CUX2: variants seen among roughly 807,000 people sequenced by gnomAD.
CUX2 encodes the protein cut like homeobox 2, also known as homeobox protein cut-like 2.
A neutral mutation model predicts 144.8 loss-of-function variants in CUX2; 40 were observed. The ratio of observed to expected loss-of-function variants is 0.28; its 90% CI spans 0.21 to 0.36. The LOEUF (loss-of-function observed/expected upper bound fraction) is 0.36. CUX2 is among the 10% of genes least tolerant of loss of function. CUX2 has a pLI of 1.00. For missense variants in CUX2, 1,615 were observed against 1,994.0 expected, an observed-to-expected ratio of 0.81 and a Z score of 3.62; for synonymous variants, 827 against 875.6, an observed-to-expected ratio of 0.94 and a Z score of 0.98.
rs902195955 is a variant in CUX2 at position 111,312,535 on chromosome 12, T to C, written c.2002+334T>C. On this transcript the variant is annotated intron_variant, in intron 16 of 21. Coordinates refer to ENST00000261726, the MANE Select transcript of CUX2 (RefSeq NM_015267.4). This position sits in a 1 kb window ranked among gnomAD's most constrained non-coding sequence, Gnocchi z 4.3. ...GGCCAACATGGTAAAACCCCATCTCTACTAAAAATACAAAATTACCTGGGC... is the reference window on the plus strand; with the variant it reads ...GGCCAACATGGTAAAACCCCATCTCCACTAAAAATACAAAATTACCTGGGC... Among the ~76,000 whole-genome samples the C allele has an allele frequency of 1.5e-5, 2 of 134,188 alleles. No homozygotes were observed. Among genetic ancestry groups the C allele is most frequent in the African/African-American group, 6.6e-5 (2 of 30,246 alleles). The allele number at this position is 134,188 out of a possible 152,430, so 88.0% of individuals were successfully genotyped here. A position where few individuals can be genotyped will look rare whatever the true frequency, so the allele number is the denominator to read the frequency against.
intron 1 of CUX2, among the ~76,000 whole-genome samples, chr12:111,159,522 T>G (rs1877616816): frequency 6.6e-6 from 1 of 152,186 alleles, no homozygotes; most frequent in Non-Finnish European, 1.5e-5. Context: ...TTTGGGTAGC[T>G]CATTTAAAAA....
intron 1 of CUX2, among the ~76,000 whole-genome samples, chr12:111,120,770 T>C (rs1592914699): frequency 6.6e-6 from 1 of 151,712 alleles, no homozygotes; most frequent in Non-Finnish European, 1.5e-5. Context: ...TATGTCGGGG[T>C]CCACTTTGAT....
At chr12:111,254,347 G>C (rs1481123326) in intron 3 of CUX2, among the ~76,000 whole-genome samples, 1 of 152,212 alleles carries the variant, frequency 6.6e-6, no homozygotes, top group African/African-American at 2.4e-5. Flanking sequence ...TAGGTGCTCA[G>C]TATGCACCAT....
chr12:111,153,701 C>T (rs1877203048), intron 1 of CUX2, among the ~76,000 whole-genome samples: 1 of 152,122 alleles, frequency 6.6e-6, no homozygotes, highest in Non-Finnish European at 1.5e-5. Flanking sequence ...TGGAGACAGA[C>T]CATAAGCAAA....
chr12:111,340,225 A>G (rs996194976), intron 20 of CUX2, among the ~76,000 whole-genome samples: 3 of 152,150 alleles, frequency 2.0e-5, no homozygotes, highest in African/African-American at 7.2e-5. Context: ...CAGAGCCACA[A>G]AGCATTGCTG....
At chr12:111,330,729 ATATATATATATATATATATAT>A (rs1888079220) in intron 18 of CUX2, among the ~76,000 whole-genome samples, 2 of 67,518 alleles carry the variant, frequency 3.0e-5, no homozygotes, top group Non-Finnish European at 3.0e-5. Flanking sequence ...ATATATATAT[ATATATATATATATATATATAT>A]AAAGAGAGAG....
chr12:111,149,941 G>C (rs1199395882), intron 1 of CUX2, among the ~76,000 whole-genome samples: 1 of 152,232 alleles, frequency 6.6e-6, no homozygotes, highest in African/African-American at 2.4e-5. Context: ...TGCACAGTCT[G>C]CACACACAGT....
In CUX2 at chr12:111,334,470, T is replaced by TCCCCCCCCCC; in HGVS notation, c.2960_2961insCCCCCCCCCC (p.Ser990ProfsTer9). Reference sequence around the variant, plus strand: ...TCCCACAGAACCAAGGTCCTCACCATCCCCACCCCCCAGCCCCACAGAGCC... The same window carrying TCCCCCCCCCC: ...TCCCACAGAACCAAGGTCCTCACCATCCCCCCCCCCCCCCACCCCCCAGCCCCACAGAGCC... On this transcript the variant is annotated frameshift_variant, in exon 19 of 22. Coordinates refer to ENST00000261726, the MANE Select transcript of CUX2 (RefSeq NM_015267.4). LOFTEE classifies it high-confidence loss of function. 1.2e-6 allele frequency: 2 copies of TCCCCCCCCCC among 1,606,956 alleles called. No individual in the cohort carries two copies. Among genetic ancestry groups the TCCCCCCCCCC allele is most frequent in the Non-Finnish European group, 8.5e-7 (1 of 1,176,382 alleles).
At chr12:111,290,131 G>T (rs1035368464) in intron 4 of CUX2, among the ~76,000 whole-genome samples, 2 of 152,182 alleles carry the variant, frequency 1.3e-5, no homozygotes, top group African/African-American at 4.8e-5. Context: ...GTCTTAAAGT[G>T]CCACAGATAG....
chr12:111,350,426 A>G lies in CUX2; in HGVS notation c.*2101A>G, dbSNP rs1254828560. The G allele has an allele frequency of 6.6e-6, 1 of 152,482 alleles. No individual in the cohort carries two copies. The highest frequency in any genetic ancestry group is 1.5e-5 in the Non-Finnish European group (1 of 68,042). 9.4% of individuals were successfully genotyped at this position (152,482 alleles called of 1,614,324 possible). ...AACAACTTTGTCAGGTTCACGTCCT[A>G]TAACGGTTAAAAAACACACACACAC... On this transcript the variant is annotated 3_prime_UTR_variant, in exon 22 of 22. Coordinates refer to ENST00000261726, the MANE Select transcript of CUX2 (RefSeq NM_015267.4).
chr12:111,100,523 G>A (rs1306574916), intron 1 of CUX2, among the ~76,000 whole-genome samples: 1 of 152,094 alleles, frequency 6.6e-6, no homozygotes, highest in African/African-American at 2.4e-5. Flanking sequence ...ACATGGGTGC[G>A]TGACTGGTGG....
At chr12:111,087,112 C>T (rs1393806056) in intron 1 of CUX2, among the ~76,000 whole-genome samples, 2 of 152,064 alleles carry the variant, frequency 1.3e-5, no homozygotes, top group Non-Finnish European at 2.9e-5. Context: ...GCAAGCCCAG[C>T]ACTCTGGGAG....
chr12:111,040,276 G>T (rs1478392467), intron 1 of CUX2, among the ~76,000 whole-genome samples: 1 of 151,076 alleles, frequency 6.6e-6, no homozygotes, highest in African/African-American at 2.4e-5. Flanking sequence ...AACTGAGCAA[G>T]ACCCTGTTTA....
intron 3 of CUX2, among the ~76,000 whole-genome samples, chr12:111,228,414 T>C (rs1169361588): frequency 2.0e-5 from 3 of 151,828 alleles, no homozygotes; most frequent in African/African-American, 7.3e-5. Flanking sequence ...GTGAAAACTA[T>C]GGTGTGTGTG....
At position 111,339,818 on chromosome 12, in the gene CUX2, A is replaced by G. The variant is rs1364421270; in HGVS notation, c.3385+1344A>G. On this transcript the variant is annotated intron_variant, in intron 20 of 21. Transcript: ENST00000261726. ...ATCATCAGACAATGCTGTGGTTGAG[A>G]ACTTGACCTTCTACCTCCTTGCCGT... Among the ~76,000 whole-genome samples, 10 of 152,206 alleles carry G rather than the reference A, an allele frequency of 6.6e-5. No homozygotes were observed. The East Asian group carries it at 1.7e-3, about 26-fold the overall frequency.
intron 19 of CUX2, among the ~76,000 whole-genome samples, chr12:111,336,569 A>G (rs1401665935): frequency 6.6e-6 from 1 of 151,296 alleles, no homozygotes; most frequent in Non-Finnish European, 1.5e-5. Context: ...TGCCTCAGCC[A>G]CCCTAGTAGC....
intron 1 of CUX2, among the ~76,000 whole-genome samples, chr12:111,157,977 G>A (rs1159055412): frequency 6.6e-6 from 1 of 152,148 alleles, no homozygotes; most frequent in African/African-American, 2.4e-5. Context: ...TTAGGAATCA[G>A]TAAAGCAACT....
At chr12:111,069,061 G>A (rs1374485962) in intron 1 of CUX2, among the ~76,000 whole-genome samples, 2 of 152,006 alleles carry the variant, frequency 1.3e-5, no homozygotes, top group Admixed American at 6.6e-5. Context: ...TCCGTAGATC[G>A]CACCTCTGCA....
chr12:111,174,282 C>T (rs1006391848), intron 1 of CUX2, among the ~76,000 whole-genome samples: 2 of 152,234 alleles, frequency 1.3e-5, no homozygotes, highest in Non-Finnish European at 2.9e-5. Context: ...TGGCAGTGAC[C>T]AGACCAGGCT....
Sources: allele counts gnomAD v4.1 joint callset (sites outside exome capture counted in the v4.1 genomes callset), GRCh38; gene constraint gnomAD v4.1.1; non-coding constraint Gnocchi (gnomAD v3.1); transcripts MANE v1.5; gene names NCBI Gene and HGNC (gene_info 2026-07-23, HGNC 2026-07-21).